KCNB2: variants seen among roughly 807,000 people sequenced by gnomAD.
KCNB2 encodes delayed rectifier potassium channel protein.
KCNB2 carries 15 observed loss-of-function variants against 61.5 expected under a neutral mutation model. The ratio of observed to expected loss-of-function variants is 0.24; its 90% CI spans 0.16 to 0.38. The LOEUF (loss-of-function observed/expected upper bound fraction) is 0.38, where lower values mean the gene tolerates loss of function less well. Ranked by LOEUF, KCNB2 falls within the 10% of genes least tolerant of loss-of-function variation. KCNB2 has a pLI of 1.00. For synonymous variants in KCNB2, 457 were observed against 446.0 expected, an observed-to-expected ratio of 1.02 and a Z score of -0.31; for missense variants, 828 against 1,125.2, an observed-to-expected ratio of 0.74 and a Z score of 3.78.
At chr8:72,762,022 G>C (rs1808390571) in intron 2 of KCNB2, among the ~76,000 whole-genome samples, 1 of 152,116 alleles carries the variant, frequency 6.6e-6, no homozygotes, top group Non-Finnish European at 1.5e-5. Flanking sequence ...TTTTAAACTG[G>C]CATTACTTTT....
chr8:72,545,557 C>T (rs1021205406), intron 1 of KCNB2, among the ~76,000 whole-genome samples: 1 of 152,148 alleles, frequency 6.6e-6, no homozygotes, highest in African/African-American at 2.4e-5. Flanking sequence ...CCAACTTCTC[C>T]ACTGACTGGC....
Position 72,558,832 on chromosome 8 carries a change from T to TG in KCNB2, c.-93-8810_-93-8809insG, listed in dbSNP as rs1174134192. Among the ~76,000 whole-genome samples, 208 of 34,792 alleles carry TG rather than the reference T, an allele frequency of 6.0e-3. 3 individuals carry two copies. Among genetic ancestry groups the TG allele is most frequent in the African/African-American group, 0.049 (195 of 4,000 alleles). 22.8% of individuals were successfully genotyped at this position (34,792 alleles called of 152,430 possible). The stretch of plus-strand genomic sequence containing the variant: ...ACTACAGATGAAAGGTACCTGGTTC[T>TG]AAAGTTCTTACAATAAGAGGATTAT... On this transcript the variant is annotated intron_variant, in intron 1 of 2. Coordinates refer to ENST00000523207, the MANE Select transcript of KCNB2 (RefSeq NM_004770.3).
intron 2 of KCNB2, among the ~76,000 whole-genome samples, chr8:72,585,658 A>T (rs1386821719): frequency 6.6e-6 from 1 of 152,168 alleles, no homozygotes; most frequent in Admixed American, 6.5e-5. Flanking sequence ...ATGAGCCGTG[A>T]TGCCCAACGG....
chr8:72,654,937 C>A (rs564472570), intron 2 of KCNB2, among the ~76,000 whole-genome samples: 1 of 152,238 alleles, frequency 6.6e-6, no homozygotes, highest in South Asian at 2.1e-4. Flanking sequence ...TCAGCAATCC[C>A]ATTGTTGAGT....
chr8:72,938,074 C>A lies in KCNB2; in HGVS notation c.2719C>A (p.Arg907Ser), dbSNP rs567445185. 2.5e-6 allele frequency: 4 copies of A among 1,606,238 alleles called. No homozygotes were observed. In the East Asian group the frequency reaches 6.7e-5, roughly 27 times the overall value. ...NPGDTGYCPTRETSM is the reference protein window; with the variant it reads ...NPGDTGYCPTSETSM ...AGGAGACACAGGTTATTGTCCCACA[C>A]GTGAAACCAGCATGTGACTAGTTAC... Residue 907 changes from arginine (R) to serine (S), a missense_variant, in exon 3 of 3, where the codon CGT (arginine) becomes AGT (serine). Physicochemically the swap from Arg to Ser is moderately radical, Grantham distance 110. Transcript: ENST00000523207.
chr8:72,602,166 A>G (rs1162050773), intron 2 of KCNB2, among the ~76,000 whole-genome samples: 1 of 152,224 alleles, frequency 6.6e-6, no homozygotes, highest in East Asian at 1.9e-4. Context: ...AATAACTGAT[A>G]TTAGGCAGCT....
In KCNB2 at chr8:72,702,682, A is replaced by G. The variant is rs146769864; in HGVS notation, c.579+134369A>G. 2.1e-3 allele frequency among the ~76,000 whole-genome samples: 313 copies of G among 152,310 alleles called. 3 individuals are homozygous for G. Among genetic ancestry groups the G allele is most frequent in the African/African-American group, 7.1e-3 (295 of 41,566 alleles). On this transcript the variant is annotated intron_variant, in intron 2 of 2. Coordinates refer to ENST00000523207, the MANE Select transcript of KCNB2 (RefSeq NM_004770.3). ...TCATATAATTCAAAAGTCAGCTTCCACCAGGAATCTGCTAGAAAAAAATAG... is the reference window on the plus strand; with the variant it reads ...TCATATAATTCAAAAGTCAGCTTCCGCCAGGAATCTGCTAGAAAAAAATAG...
At chr8:72,597,712 G>C (rs1807221982) in intron 2 of KCNB2, among the ~76,000 whole-genome samples, 1 of 152,130 alleles carries the variant, frequency 6.6e-6, no homozygotes, top group South Asian at 2.1e-4. Flanking sequence ...AGTTAAGTTT[G>C]TTTGTACTGG....
intron 2 of KCNB2, chr8:72,660,983 A>C (rs955047027): frequency 6.6e-6 from 1 of 152,058 alleles, no homozygotes; most frequent in South Asian, 2.1e-4. Flanking sequence ...ATTTTGTCTT[A>C]TTCAGTTAAT....
chr8:72,648,470 G>T (rs1263347446), intron 2 of KCNB2, among the ~76,000 whole-genome samples: 2 of 151,320 alleles, frequency 1.3e-5, no homozygotes, highest in Admixed American at 6.6e-5. Context: ...TAGATACAGG[G>T]TCTATGTTGC....
rs1219855726 is a variant in KCNB2, at chr8:72,936,675, T to A, written c.1320T>A (p.Leu440=). The A allele has an allele frequency of 6.2e-7, 1 of 1,614,208 alleles. No homozygotes were observed. The highest frequency in any genetic ancestry group is 1.7e-5 in the Admixed American group (1 of 60,034). ...AAGCAATTAAAAGGAGGGAGGCTCT[T>A]GAGCGGGCCAAAAGGAACGGAAGCA... is the stretch of plus-strand genomic sequence containing the variant. ...QEKAIKRREA[L]ERAKRNGSIV... Residue 440 remains leucine, a synonymous_variant, in exon 3 of 3, where the codon CTT becomes CTA. Transcript: ENST00000523207. This position sits in a 1 kb window ranked among gnomAD's most constrained non-coding sequence, Gnocchi z 5.6.
At chr8:72,764,951 C>T (rs2919399) in intron 2 of KCNB2, among the ~76,000 whole-genome samples, 13,829 of 152,122 alleles carry the variant, frequency 0.091, 1,249 homozygotes, top group East Asian at 0.51. Flanking sequence ...GCACAGAGTA[C>T]GAACTGGCTA....
chr8:72,776,393 A>G (rs1808653317), intron 2 of KCNB2, among the ~76,000 whole-genome samples: 1 of 152,206 alleles, frequency 6.6e-6, no homozygotes, highest in African/African-American at 2.4e-5. Context: ...TAGAACTTAA[A>G]GTATAATTTT....
At chr8:72,555,438 T>C (rs1306977265) in intron 1 of KCNB2, among the ~76,000 whole-genome samples, 2 of 151,848 alleles carry the variant, frequency 1.3e-5, no homozygotes, top group East Asian at 1.9e-4. Context: ...GATCTTAAGC[T>C]GAAATAAAAT....
intron 2 of KCNB2, among the ~76,000 whole-genome samples, chr8:72,920,475 A>ATATATATATATATATATGTGTG (rs1554544461): frequency 2.9e-4 from 17 of 58,334 alleles, no homozygotes; most frequent in Non-Finnish European, 5.2e-4. Context: ...CTATCTATCT[A>ATATATATATATATATATGTGTG]TATATATATA....
rs1424183099 is a variant in KCNB2, at chr8:72,542,334, C to G, written c.-94+4449C>G. ...TTACAGGTTCAATCACATTGTATAGCCAACCTTGAACCTACAATTGGCTTA... is the reference window on the plus strand; with the variant it reads ...TTACAGGTTCAATCACATTGTATAGGCAACCTTGAACCTACAATTGGCTTA... On this transcript the variant is annotated intron_variant, in intron 1 of 2. Transcript: ENST00000523207. Among the ~76,000 whole-genome samples the G allele has an allele frequency of 2.0e-5, 3 of 151,984 alleles. No individual in the cohort carries two copies. The East Asian group carries it at 5.8e-4, about 29-fold the overall frequency.
At chr8:72,647,396 C>G (rs1238728006) in intron 2 of KCNB2, among the ~76,000 whole-genome samples, 3 of 151,860 alleles carry the variant, frequency 2.0e-5, no homozygotes, top group Non-Finnish European at 4.4e-5. Flanking sequence ...GTGAAGTTTG[C>G]TAGAACTTTT....
At chr8:72,882,979 G>A (rs1395657537) in intron 2 of KCNB2, among the ~76,000 whole-genome samples, 3 of 152,010 alleles carry the variant, frequency 2.0e-5, no homozygotes, top group Non-Finnish European at 4.4e-5. Flanking sequence ...CCTTCTCCAG[G>A]CCCTTTCCAC....
chr8:72,640,384 A>AT (rs202033429), intron 2 of KCNB2, among the ~76,000 whole-genome samples: 4,201 of 151,378 alleles, frequency 0.028, 209 homozygotes, highest in African/African-American at 0.097. Flanking sequence ...TTTTGCTGGT[A>AT]TTTTTTTTTC....
Sources: allele counts gnomAD v4.1 joint callset (sites outside exome capture counted in the v4.1 genomes callset), GRCh38; gene constraint gnomAD v4.1.1; non-coding constraint Gnocchi (gnomAD v3.1); transcripts MANE v1.5; gene names NCBI Gene and HGNC (gene_info 2026-07-23, HGNC 2026-07-21).